The following PHF24 variants were observed in gnomAD, a reference collection of about 807,000 sequenced individuals.
PHF24 encodes Galpha inhibitory interacting protein.
PHF24 carries 25 observed loss-of-function variants against 42.6 expected under a neutral mutation model. The ratio of observed to expected loss-of-function variants is 0.59; its 90% CI spans 0.43 to 0.82. The LOEUF (loss-of-function observed/expected upper bound fraction) is 0.82, where lower values mean the gene tolerates loss of function less well. PHF24 is among the 40% of genes least tolerant of loss of function. PHF24 has a pLI of 0.00. For synonymous variants in PHF24, 185 were observed against 204.8 expected (o/e 0.90, Z 0.83); for missense variants, 470 against 538.1 (o/e 0.87, Z 1.25).
At chr9:34,967,633 T>C (rs1826825501) in intron 1 of PHF24, among the ~76,000 whole-genome samples, 1 of 152,198 alleles carries the variant, frequency 6.6e-6, no homozygotes, top group Non-Finnish European at 1.5e-5. Context: ...TCACTGTAAG[T>C]TGGGGAGTTG....
chr9:34,918,359 C>T, the PHF24 span: 5 of 728,498 alleles, frequency 6.9e-6, no homozygotes, highest in East Asian at 2.6e-5. Context: ...ACTCTTCCCC[C>T]TCTCCCAGTT....
the PHF24 span, among the ~76,000 whole-genome samples, chr9:34,765,903 C>CA: frequency 2.0e-5 from 3 of 151,752 alleles, no homozygotes; most frequent in African/African-American, 7.3e-5. Context: ...CTGGTGGTGA[C>CA]AAAATCTCTC....
At chr9:34,742,212 C>T in the PHF24 span, among the ~76,000 whole-genome samples, 1 of 152,152 alleles carries the variant, frequency 6.6e-6, no homozygotes, top group African/African-American at 2.4e-5. Flanking sequence ...GAATATTAAT[C>T]AGCTTTTAAT....
chr9:34,934,947 T>C, the PHF24 span, among the ~76,000 whole-genome samples: 1 of 152,142 alleles, frequency 6.6e-6, no homozygotes, highest in Non-Finnish European at 1.5e-5. Context: ...AGCAATTTAC[T>C]CTCTGACCCT....
At chr9:34,670,642 A>AG in the PHF24 span, among the ~76,000 whole-genome samples, 1 of 152,090 alleles carries the variant, frequency 6.6e-6, no homozygotes, top group African/African-American at 2.4e-5. Context: ...TATTACCATT[A>AG]GGGGAAGATT....
chr9:34,886,826 G>GTATGTATCTATCTATCTATCTATCTATC, the PHF24 span, among the ~76,000 whole-genome samples: 29 of 80,896 alleles, frequency 3.6e-4, no homozygotes, highest in African/African-American at 9.0e-4. Context: ...ATGTATCTAT[G>GTATGTATCTATCTATCTATCTATCTATC]TATCTATGTA....
At chr9:34,689,978 C>T in the PHF24 span, 3 of 1,614,102 alleles carry the variant, frequency 1.9e-6, no homozygotes, top group South Asian at 3.3e-5. The surrounding 1 kb of genome is among the most constrained non-coding windows in gnomAD (Gnocchi z 4.1). Flanking sequence ...CTACCCAGGG[C>T]TGGTCTGGGG....
the PHF24 span, among the ~76,000 whole-genome samples, chr9:34,935,593 GAA>G: frequency 1.6e-5 from 2 of 122,614 alleles, no homozygotes; most frequent in African/African-American, 3.2e-5. Context: ...GACTTCATCT[GAA>G]AAAAAAAAAA....
At chr9:34,895,578 C>G in the PHF24 span, 1 of 398,726 alleles carries the variant, frequency 2.5e-6, no homozygotes, top group Middle Eastern at 6.3e-4. Flanking sequence ...TGTTTCCCTA[C>G]CCGGCAACAG....
At chr9:34,713,133 G>A in the PHF24 span, among the ~76,000 whole-genome samples, 1 of 152,150 alleles carries the variant, frequency 6.6e-6, no homozygotes, top group East Asian at 1.9e-4. Context: ...TTTTCAAACG[G>A]TTTTTTGCAA....
chr9:34,711,269 C>G, the PHF24 span, among the ~76,000 whole-genome samples: 1 of 147,724 alleles, frequency 6.8e-6, no homozygotes, highest in Non-Finnish European at 1.5e-5. Flanking sequence ...TTTTTTGACA[C>G]AGGGTCTCGC....
chr9:34,819,142 C>T, the PHF24 span, among the ~76,000 whole-genome samples: 3 of 152,000 alleles, frequency 2.0e-5, no homozygotes, highest in East Asian at 3.9e-4. Flanking sequence ...TTATAATACT[C>T]CTCAATTCCT....
chr9:34,728,134 C>G, the PHF24 span: 184 of 1,510,590 alleles, frequency 1.2e-4, 1 homozygote, highest in East Asian at 4.5e-3. Flanking sequence ...TCATAGGCAT[C>G]CTATAGGAAG....
chr9:34,870,733 G>A, the PHF24 span, among the ~76,000 whole-genome samples: 1 of 152,012 alleles, frequency 6.6e-6, no homozygotes, highest in East Asian at 1.9e-4. Flanking sequence ...ATTCACAATG[G>A]CAAAGACATG....
chr9:34,837,586 A>T, the PHF24 span: 1 of 1,257,732 alleles, frequency 8.0e-7, no homozygotes, highest in Non-Finnish European at 1.1e-6. Context: ...TCCAGGGGTC[A>T]TAGAGGGACA....
At chr9:34,886,838 C>CTATG in the PHF24 span, among the ~76,000 whole-genome samples, 118 of 151,566 alleles carry the variant, frequency 7.8e-4, no homozygotes, top group African/African-American at 2.8e-3. Flanking sequence ...ATCTATGTAT[C>CTATG]TATCTATCTA....
chr9:34,677,389 G>GTTTTTTTTTTTTTT, the PHF24 span, among the ~76,000 whole-genome samples: 20 of 79,770 alleles, frequency 2.5e-4, 1 homozygote, highest in African/African-American at 5.1e-4. Context: ...TTTGTAAACT[G>GTTTTTTTTTTTTTT]TTTTTTTTTT....
chr9:34,979,791 T>G (rs866135867), exon 8 of PHF24: 1 of 151,980 alleles, frequency 6.6e-6, no homozygotes, highest in South Asian at 2.1e-4. Flanking sequence ...GCTGCTGGGG[T>G]TGGATTATTT....
the PHF24 span, among the ~76,000 whole-genome samples, chr9:34,713,178 TTTCTGTTTATG>T: frequency 6.6e-6 from 1 of 152,324 alleles, no homozygotes; most frequent in African/African-American, 2.4e-5. Flanking sequence ...GTTACTGAAA[TTTCTGTTTATG>T]ACCTGACAAA....
Sources: gnomAD v4.1 joint callset for allele counts (sites outside exome capture counted in the v4.1 genomes callset) on GRCh38, gnomAD v4.1.1 for gene constraint, Gnocchi (gnomAD v3.1) non-coding constraint, MANE v1.5 for transcripts, NCBI Gene and HGNC (gene_info 2026-07-23, HGNC 2026-07-21) for gene names.